Variants in POLQ observed in about 807,000 individuals in gnomAD.
POLQ encodes epididymis secretory sperm binding protein.
Under a neutral mutation model 259.2 loss-of-function variants are expected in POLQ, and 233 were observed. That is an observed-to-expected ratio of 0.90 (90% CI 0.81 to 1.00). POLQ has a LOEUF of 1.00. POLQ is among the 50% of genes least tolerant of loss of function. The pLI is 0.00. For missense variants in POLQ, 2,871 were observed against 3,051.6 expected (o/e 0.94, Z 1.39); for synonymous variants, 1,025 against 1,048.8 (o/e 0.98, Z 0.44).
At chr3:121,471,580 A>G (rs2047883864) in intron 22 of POLQ, among the ~76,000 whole-genome samples, 1 of 151,878 alleles carries the variant, frequency 6.6e-6, no homozygotes, top group Non-Finnish European at 1.5e-5. Flanking sequence ...CATCTCTACT[A>G]AAAATACAAA....
intron 14 of POLQ, 128 bp from the exon 15 acceptor site, chr3:121,493,849 G>GTGTGATTTAACAAGGCCCAAGC: frequency 1.3e-6 from 1 of 791,176 alleles, no homozygotes; most frequent in South Asian, 1.9e-5. Flanking sequence ...AAGGCCCAAG[G>GTGTGATTTAACAAGGCCCAAGC]TGTAAGTTAA....
chr3:121,542,750 G>A (rs958833153), intron 2 of POLQ, among the ~76,000 whole-genome samples: 15 of 152,130 alleles, frequency 9.9e-5, no homozygotes, highest in African/African-American at 2.9e-4. Flanking sequence ...GAGCCCAGGA[G>A]TTCAAGACCA....
In POLQ at chr3:121,488,005, C is replaced by T. The variant is rs770657047; in HGVS notation, c.4926G>A (p.Leu1642=). Residue 1642 remains leucine, a synonymous_variant, in exon 16 of 30, where the codon CTG becomes CTA. Transcript: ENST00000264233. ...SGASFDLSPG[L]QRILDKVSSP... ...TGGATACTTTATCTAAAATCCTTTG[C>T]AGTCCTGGACTTAGATCAAATGATG... 1.2e-6 allele frequency: 2 copies of T among 1,613,016 alleles called. No individual in the cohort carries two copies. Among genetic ancestry groups the T allele is most frequent in the Non-Finnish European group, 1.7e-6 (2 of 1,179,498 alleles).
chr3:121,452,895 T>C (rs557753138), intron 25 of POLQ, among the ~76,000 whole-genome samples: 18 of 152,326 alleles, frequency 1.2e-4, no homozygotes, highest in Admixed American at 3.3e-4. Context: ...GTGGTTCTCC[T>C]AGCACGCAGC....
chr3:121,532,812 C>T (rs546605916), intron 6 of POLQ, among the ~76,000 whole-genome samples, 178 bp downstream of exon 6: 5 of 152,274 alleles, frequency 3.3e-5, no homozygotes, highest in South Asian at 2.1e-4. Flanking sequence ...GGATTACAGA[C>T]GTCAGCCACC....
intron 24 of POLQ, among the ~76,000 whole-genome samples, chr3:121,461,808 G>T (rs1014022947): frequency 1.3e-5 from 2 of 152,034 alleles, no homozygotes; most frequent in African/African-American, 4.8e-5. Flanking sequence ...TACATAAAAG[G>T]CCTCATACAT....
chr3:121,505,152 G>A (rs933924970), intron 12 of POLQ, among the ~76,000 whole-genome samples: 1 of 152,036 alleles, frequency 6.6e-6, no homozygotes, highest in Non-Finnish European at 1.5e-5. Flanking sequence ...GGCACTTCCC[G>A]CCTCTCTCTC....
intron 17 of POLQ, among the ~76,000 whole-genome samples, chr3:121,484,766 T>C (rs1234009344): frequency 6.6e-6 from 1 of 152,070 alleles, no homozygotes; most frequent in Non-Finnish European, 1.5e-5. Flanking sequence ...GCCGGCGCAG[T>C]GGCACATGCT....
intron 26 of POLQ, among the ~76,000 whole-genome samples, chr3:121,443,431 T>C (rs1261316057): frequency 6.6e-6 from 1 of 152,232 alleles, no homozygotes; most frequent in Non-Finnish European, 1.5e-5. Flanking sequence ...TTCAGAGCTT[T>C]TGTCCATTTT....
intron 12 of POLQ, among the ~76,000 whole-genome samples, chr3:121,499,519 T>C (rs973047601): frequency 7.2e-5 from 11 of 152,286 alleles, no homozygotes; most frequent in East Asian, 1.9e-4. Flanking sequence ...ACTCTCAAAA[T>C]GCTGGGATTA....
rs1421596807 is a variant in POLQ at position 121,522,132 on chromosome 3, C to A, written c.1126G>T (p.Glu376Ter). 1.2e-6 allele frequency: 2 copies of A among 1,603,376 alleles called. No homozygotes were observed. Among genetic ancestry groups the A allele is most frequent in the Admixed American group, 1.8e-5 (1 of 56,688 alleles). The change falls in exon 8 of 30, where the codon GAA becomes TAA. Residue 376 changes from glutamate to a stop codon, truncating the protein, a stop_gained. Transcript: ENST00000264233. LOFTEE classifies it high-confidence loss of function. ...HQAEGLVKPS[E>*]CPPVILEQKE... ...TGTTCCAGAATTACTGGTGGGCATTCAGAGGGTTTCACCAATCCTGTCACA... is the reference window on the plus strand; with the variant it reads ...TGTTCCAGAATTACTGGTGGGCATTAAGAGGGTTTCACCAATCCTGTCACA...
chr3:121,447,401 G>T (rs1317041527), intron 26 of POLQ, among the ~76,000 whole-genome samples: 2 of 152,000 alleles, frequency 1.3e-5, no homozygotes, highest in Non-Finnish European at 2.9e-5. Context: ...GACCTCAGGT[G>T]ATCTGCCTGT....
rs2047781091 is a variant in POLQ at position 121,460,231 on chromosome 3, C to G, written c.6971G>C (p.Gly2324Ala). Residue 2324 changes from glycine to alanine, a missense_variant, in exon 25 of 30, where the codon GGT (glycine) becomes GCT (alanine). Gly to Ala is a moderately conservative substitution (Grantham distance 60, BLOSUM62 0). This residue lies in a region of POLQ where 2,080 missense variants were observed against 2,126.0 expected (regional missense o/e 0.98). Transcript: ENST00000264233. ...AGAGTAGTCAGCAGCCAGTATTGAA[C>G]CACCTGAAGTAGAAGTGATTTCAGA... ...MRHAFVPFPG[G>A]SILAADYSQL... 6.2e-7 allele frequency: 1 copy of G among 1,609,208 alleles called. No individual in the cohort carries two copies. The highest frequency in any genetic ancestry group is 8.5e-7 in the Non-Finnish European group (1 of 1,175,656).
At chr3:121,508,688 A>G (rs1212208568) in intron 12 of POLQ, among the ~76,000 whole-genome samples, 2 of 152,248 alleles carry the variant, frequency 1.3e-5, no homozygotes, top group Non-Finnish European at 2.9e-5. Context: ...TTGTAATAAA[A>G]GAAAATTGGT....
Position 121,533,046 on chromosome 3 carries a change from T to C in POLQ, c.904A>G (p.Ile302Val), listed in dbSNP as rs1230395559. ...LLESVKVGNS[I>V]YDSSMKLVRE... ...ACAAGTTTCATTGAAGAGTCATATA[T>C]GGAATTTCCAACTTTTACTGACTCC... The change falls in exon 6 of 30, where the codon ATA (isoleucine) becomes GTA (valine). Residue 302 changes from isoleucine (I) to valine (V), a missense_variant. By Grantham distance (29) the Ile-to-Val change is conservative. Around this residue, in one of 3 missense-constraint regions of POLQ, gnomAD observed 783 missense variants for 906.2 expected, o/e 0.86. Coordinates refer to ENST00000264233, the MANE Select transcript of POLQ (RefSeq NM_199420.4). 2 of 1,614,020 alleles carry C rather than the reference T, an allele frequency of 1.2e-6. No homozygotes were observed. The highest frequency in any genetic ancestry group is 1.7e-6 in the Non-Finnish European group (2 of 1,179,946).
intron 14 of POLQ, among the ~76,000 whole-genome samples, chr3:121,495,805 C>A (rs904781130): frequency 2.1e-4 from 30 of 141,828 alleles, no homozygotes; most frequent in African/African-American, 7.4e-4. Context: ...GCCGAGATGG[C>A]GCCACTGCAC....
rs534378786 is a variant in POLQ at position 121,451,356 on chromosome 3, G to A, written c.7153-1930C>T. 7.2e-5 allele frequency among the ~76,000 whole-genome samples: 11 copies of A among 152,336 alleles called. No individual in the cohort carries two copies. In the East Asian group the frequency reaches 2.1e-3, roughly 29 times the overall value. On this transcript the variant is annotated intron_variant, in intron 25 of 29. Coordinates refer to ENST00000264233, the MANE Select transcript of POLQ (RefSeq NM_199420.4). ...GGAGCTGAGTTCCTTTGGAGTGGGAGAGGCACTCTGATTTTTAGATTTTTC... is the reference window on the plus strand; with the variant it reads ...GGAGCTGAGTTCCTTTGGAGTGGGAAAGGCACTCTGATTTTTAGATTTTTC...
intron 19 of POLQ, among the ~76,000 whole-genome samples, chr3:121,479,362 A>AAGTGTGTGTG (rs140158750): frequency 7.0e-6 from 1 of 142,654 alleles, no homozygotes; most frequent in East Asian, 2.1e-4. Context: ...AAAAAAAAAA[A>AAGTGTGTGTG]TGTGTGTGTG....
At chr3:121,454,026 G>T (rs186364610) in intron 25 of POLQ, among the ~76,000 whole-genome samples, 2,145 of 152,284 alleles carry the variant, frequency 0.014, 49 homozygotes, top group African/African-American at 0.048. Context: ...GACTAACAGC[G>T]GATCTCTCGG....
Sources: allele counts gnomAD v4.1 joint callset (sites outside exome capture counted in the v4.1 genomes callset), GRCh38; gene constraint gnomAD v4.1.1; regional missense constraint gnomAD v4.1.1; transcripts MANE v1.5; gene names NCBI Gene and HGNC (gene_info 2026-07-23, HGNC 2026-07-21).